The following OXCT1 variants were observed in gnomAD, a reference collection of about 807,000 sequenced individuals.
OXCT1 encodes the protein 3-oxoacid CoA-transferase 1.
OXCT1 carries 27 observed loss-of-function variants against 69.6 expected under a neutral mutation model. That is an observed-to-expected ratio of 0.39 (90% CI 0.29 to 0.54). The LOEUF is 0.54. Among genes scored for constraint, OXCT1 ranks in the 20% least tolerant of loss-of-function variants. The pLI is 0.72. For synonymous variants in OXCT1, 202 were observed against 217.8 expected (o/e 0.93, Z 0.64); for missense variants, 437 against 650.2 (o/e 0.67, Z 3.57).
intron 7 of OXCT1, among the ~76,000 whole-genome samples, chr5:41,834,374 A>G (rs986381913): frequency 6.6e-6 from 1 of 152,026 alleles, no homozygotes; most frequent in African/African-American, 2.4e-5. Flanking sequence ...ATGGATGAAA[A>G]AAGTTAAGAC....
intron 3 of OXCT1, among the ~76,000 whole-genome samples, chr5:41,859,598 G>A: frequency 6.6e-6 from 1 of 151,988 alleles, no homozygotes. Flanking sequence ...GCTGAGCACA[G>A]AAGTTCAAGT....
intron 11 of OXCT1, among the ~76,000 whole-genome samples, chr5:41,799,046 A>G (rs1746308296): frequency 6.6e-6 from 1 of 152,214 alleles, no homozygotes; most frequent in African/African-American, 2.4e-5. Flanking sequence ...TAAGCCATGT[A>G]AAACTATACA....
intron 15 of OXCT1, among the ~76,000 whole-genome samples, chr5:41,740,475 C>A (rs1482667337): frequency 6.6e-6 from 1 of 152,178 alleles, no homozygotes; most frequent in Non-Finnish European, 1.5e-5. Flanking sequence ...CTGAAACATT[C>A]CATCATTCTG....
intron 8 of OXCT1, among the ~76,000 whole-genome samples, chr5:41,805,931 A>G (rs1353941872): frequency 6.6e-6 from 1 of 152,082 alleles, no homozygotes; most frequent in African/African-American, 2.4e-5. Context: ...TTTGAAGCAA[A>G]TAATCTGTTA....
At position 41,840,486 on chromosome 5, in the gene OXCT1, G is replaced by A; in HGVS notation, c.697C>T (p.Pro233Ser). 6.2e-7 allele frequency: 1 copy of A among 1,613,164 alleles called. No homozygotes were observed. Among genetic ancestry groups the A allele is most frequent in the Non-Finnish European group, 8.5e-7 (1 of 1,179,386 alleles). ...GTGGTTTCTGCAGCTTTGCACATTG[G>A]CAAGTTGAAATTCCTTGCACTTTTC... is the stretch of plus-strand genomic sequence containing the variant. ...FRKSARNFNL[P>S]MCKAAETTVV... The change falls in exon 7 of 17, where the codon CCA becomes TCA. Residue 233 changes from proline (P) to serine (S), a missense_variant. Around this residue, in one of 4 missense-constraint regions of OXCT1, gnomAD observed 252 missense variants for 397.4 expected, o/e 0.63. Coordinates refer to ENST00000196371, the MANE Select transcript of OXCT1 (RefSeq NM_000436.4).
intron 13 of OXCT1, among the ~76,000 whole-genome samples, chr5:41,784,966 G>A (rs571576107): frequency 6.6e-6 from 1 of 152,130 alleles, no homozygotes; most frequent in Admixed American, 6.5e-5. Context: ...GTGTAAATAA[G>A]GAAACTAAAC....
intron 13 of OXCT1, among the ~76,000 whole-genome samples, chr5:41,791,227 C>T (rs977731803): frequency 1.3e-5 from 2 of 151,952 alleles, no homozygotes; most frequent in African/African-American, 4.8e-5. Context: ...GTTATGAAAG[C>T]AACAAAAAAA....
rs1277934280 is a variant in OXCT1, at chr5:41,842,790, G to A, written c.565-9C>T. 3 of 1,549,204 alleles carry A rather than the reference G, an allele frequency of 1.9e-6. No homozygotes were observed. Among genetic ancestry groups the A allele is most frequent in the Non-Finnish European group, 2.7e-6 (3 of 1,121,064 alleles). Reference sequence around the variant, plus strand: ...CCATTGAACTCCCTCACCTGCAGAAGAGGGAGAAGGCATCATCAGGTATTT... The same window carrying A: ...CCATTGAACTCCCTCACCTGCAGAAAAGGGAGAAGGCATCATCAGGTATTT... On this transcript the variant is annotated splice_polypyrimidine_tract_variant and intron_variant, in intron 5 of 16. Coordinates refer to ENST00000196371, the MANE Select transcript of OXCT1 (RefSeq NM_000436.4).
intron 13 of OXCT1, among the ~76,000 whole-genome samples, chr5:41,776,598 G>A (rs1470835546): frequency 6.6e-6 from 1 of 152,182 alleles, no homozygotes; most frequent in East Asian, 1.9e-4. Flanking sequence ...ATTTGAGAAA[G>A]TCAAATGAAT....
chr5:41,742,149 A>C (rs1005085843), intron 15 of OXCT1, among the ~76,000 whole-genome samples: 1 of 152,176 alleles, frequency 6.6e-6, no homozygotes, highest in African/African-American at 2.4e-5. Flanking sequence ...TGGCAAATTG[A>C]CATTGCTTTT....
intron 7 of OXCT1, among the ~76,000 whole-genome samples, chr5:41,812,642 G>A (rs1031343364): frequency 8.6e-5 from 13 of 151,942 alleles, no homozygotes; most frequent in African/African-American, 3.1e-4. Context: ...TGCCACTGCT[G>A]GAGAACTTGA....
intron 13 of OXCT1, among the ~76,000 whole-genome samples, chr5:41,784,927 A>G (rs970694848): frequency 7.9e-5 from 12 of 152,246 alleles, no homozygotes; most frequent in African/African-American, 2.7e-4. Context: ...GTCAGTCTCT[A>G]AATATACCTT....
At chr5:41,807,631 G>T (rs923172123) in intron 7 of OXCT1, among the ~76,000 whole-genome samples, 193 bp from the exon 8 acceptor site, 1 of 152,028 alleles carries the variant, frequency 6.6e-6, no homozygotes, top group African/African-American at 2.4e-5. Flanking sequence ...CAAAAGAGAA[G>T]AAATTAAAGT....
intron 7 of OXCT1, among the ~76,000 whole-genome samples, chr5:41,838,326 G>A (rs189478534): frequency 1.3e-5 from 2 of 152,096 alleles, no homozygotes; most frequent in East Asian, 3.9e-4. Flanking sequence ...TTCCACTTTT[G>A]AGAGCACAGT....
At chr5:41,828,464 A>G (rs935705595) in intron 7 of OXCT1, among the ~76,000 whole-genome samples, 2 of 152,266 alleles carry the variant, frequency 1.3e-5, no homozygotes, top group Non-Finnish European at 2.9e-5. Flanking sequence ...GCCGTCAAGT[A>G]TAAGTCAAAT....
rs371302560 is a variant in OXCT1, at chr5:41,870,317, G to A, written c.42C>T (p.Cys14=). ...LKLLSSGLRL[C]ASARGSGATW... is the part of the protein sequence containing the mutation. ...TTGCCCCAGATCCGCGGGCAGAGGC[G>A]CAGAGCCGAAGCCCGGAGGAGAGGA... Residue 14 remains cysteine, a synonymous_variant, in exon 1 of 17, where the codon TGC becomes TGT. Coordinates refer to ENST00000196371, the MANE Select transcript of OXCT1 (RefSeq NM_000436.4). The surrounding 1 kb of genome is among the most constrained non-coding windows in gnomAD (Gnocchi z 4.2). 10 of 1,613,820 alleles carry A rather than the reference G, an allele frequency of 6.2e-6. No individual in the cohort carries two copies. The highest frequency in any genetic ancestry group is 8.5e-6 in the Non-Finnish European group (10 of 1,179,880).
At chr5:41,766,581 A>AAAC (rs956708462) in intron 13 of OXCT1, among the ~76,000 whole-genome samples, 3 of 151,002 alleles carry the variant, frequency 2.0e-5, no homozygotes, top group South Asian at 2.1e-4. Context: ...AAAAAAAAAA[A>AAAC]AACAACAACA....
chr5:41,793,365 G>T (rs1383713469), intron 13 of OXCT1, among the ~76,000 whole-genome samples: 3 of 152,124 alleles, frequency 2.0e-5, no homozygotes, highest in Non-Finnish European at 4.4e-5. Context: ...GCAACATCCT[G>T]GTCTATAATG....
intron 3 of OXCT1, among the ~76,000 whole-genome samples, chr5:41,857,451 G>GC (rs752324778): frequency 1.3e-5 from 2 of 152,130 alleles, no homozygotes; most frequent in Non-Finnish European, 2.9e-5. Flanking sequence ...TCAGATGGCT[G>GC]CCCTGTAGAC....
Sources: allele counts gnomAD v4.1 joint callset (sites outside exome capture counted in the v4.1 genomes callset), GRCh38; gene constraint gnomAD v4.1.1; regional missense constraint gnomAD v4.1.1; non-coding constraint Gnocchi (gnomAD v3.1); transcripts MANE v1.5; gene names NCBI Gene and HGNC (gene_info 2026-07-23, HGNC 2026-07-21).